The following SSBP2 variants were observed in gnomAD, a reference collection of about 807,000 sequenced individuals.
SSBP2 encodes single stranded DNA binding protein 2.
A neutral mutation model predicts 61.8 loss-of-function variants in SSBP2; 17 were observed. That is an observed-to-expected ratio of 0.28 (90% confidence interval 0.19 to 0.41). SSBP2 has a LOEUF of 0.41. Among genes scored for constraint, SSBP2 ranks in the 10% least tolerant of loss-of-function variants. The probability of loss-of-function intolerance (pLI) is 1.00; values close to 1 mark genes in which losing one functional copy is unlikely to be tolerated. For synonymous variants in SSBP2, 139 were observed against 141.3 expected, an observed-to-expected ratio of 0.98 and a Z score of 0.12; for missense variants, 310 against 458.7, an observed-to-expected ratio of 0.68 and a Z score of 2.96.
intron 6 of SSBP2, among the ~76,000 whole-genome samples, chr5:81,482,350 G>C (rs1421827193): frequency 6.6e-6 from 1 of 152,138 alleles, no homozygotes; most frequent in Non-Finnish European, 1.5e-5. Flanking sequence ...GAATCAGCCT[G>C]CCCTTTAAAG....
intron 1 of SSBP2, among the ~76,000 whole-genome samples, chr5:81,738,602 C>T (rs1309141235): frequency 2.6e-5 from 4 of 152,114 alleles, no homozygotes; most frequent in African/African-American, 9.7e-5. Flanking sequence ...CCTCCTGTAT[C>T]CCAAAGTCTG....
chr5:81,724,766 T>C (rs1400596880), intron 1 of SSBP2, among the ~76,000 whole-genome samples: 2 of 152,100 alleles, frequency 1.3e-5, no homozygotes, highest in Admixed American at 6.6e-5. Context: ...CCACAATGTG[T>C]TGATTTACAT....
chr5:81,603,177 G>A (rs1443593404), intron 4 of SSBP2, among the ~76,000 whole-genome samples: 1 of 152,210 alleles, frequency 6.6e-6, no homozygotes, highest in Non-Finnish European at 1.5e-5. Context: ...AATAATGACT[G>A]TCTGCAGACT....
intron 3 of SSBP2, among the ~76,000 whole-genome samples, chr5:81,633,479 T>C (rs994360071): frequency 3.3e-5 from 5 of 152,144 alleles, no homozygotes; most frequent in Non-Finnish European, 7.4e-5. Context: ...ATTGCAAGGT[T>C]TCTGTACAAG....
At chr5:81,715,795 A>ACCTGCAATCCCAACTCTTAGG (rs1245946775) in intron 1 of SSBP2, among the ~76,000 whole-genome samples, 1 of 152,148 alleles carries the variant, frequency 6.6e-6, no homozygotes, top group Non-Finnish European at 1.5e-5. Flanking sequence ...TGTGGCTCAC[A>ACCTGCAATCCCAACTCTTAGG]CCTGCAATCC....
At chr5:81,630,287 G>C (rs1747576867) in intron 3 of SSBP2, among the ~76,000 whole-genome samples, 1 of 152,182 alleles carries the variant, frequency 6.6e-6, no homozygotes, top group Admixed American at 6.5e-5. Context: ...AGTCCAGGTT[G>C]AAAGAGTTAA....
chr5:81,423,540 T>C (rs1761745652), intron 16 of SSBP2, among the ~76,000 whole-genome samples: 1 of 151,854 alleles, frequency 6.6e-6, no homozygotes, highest in Non-Finnish European at 1.5e-5. Context: ...GTCAGGAGTT[T>C]GAGACCAGCC....
At chr5:81,688,769 C>A (rs1056786798) in intron 1 of SSBP2, among the ~76,000 whole-genome samples, 8 of 152,016 alleles carry the variant, frequency 5.3e-5, no homozygotes, top group Non-Finnish European at 1.0e-4. Context: ...GCACAACAAG[C>A]CCAAATTGCA....
chr5:81,438,824 G>A (rs988327472), intron 14 of SSBP2, among the ~76,000 whole-genome samples: 1 of 152,156 alleles, frequency 6.6e-6, no homozygotes, highest in Admixed American at 6.5e-5. Flanking sequence ...TTCAAGAATG[G>A]TGCTGTCCAA....
chr5:81,611,846 T>G (rs1274971898), intron 4 of SSBP2, among the ~76,000 whole-genome samples: 1 of 152,060 alleles, frequency 6.6e-6, no homozygotes, highest in Non-Finnish European at 1.5e-5. Flanking sequence ...CATTTATTTC[T>G]TCATGGATTT....
At chr5:81,728,159 G>A (rs541588336) in intron 1 of SSBP2, among the ~76,000 whole-genome samples, 2 of 152,276 alleles carry the variant, frequency 1.3e-5, no homozygotes, top group African/African-American at 2.4e-5. Context: ...TTATTCTAAA[G>A]GTAATGGGGA....
chr5:81,558,765 T>G (rs1287230469), intron 4 of SSBP2, among the ~76,000 whole-genome samples: 1 of 152,332 alleles, frequency 6.6e-6, no homozygotes. Context: ...CTTTCCTATC[T>G]CTTTGACATA....
intron 4 of SSBP2, among the ~76,000 whole-genome samples, chr5:81,513,970 T>C (rs574556285): frequency 3.9e-5 from 6 of 152,312 alleles, no homozygotes; most frequent in South Asian, 4.1e-4. Context: ...TTTGATGATA[T>C]AGTAAATGCA....
chr5:81,457,994 G>A (rs1051551735), intron 10 of SSBP2, among the ~76,000 whole-genome samples: 1 of 152,000 alleles, frequency 6.6e-6, no homozygotes, highest in Non-Finnish European at 1.5e-5. Flanking sequence ...TAGTATCCCT[G>A]ACAAATATAT....
At chr5:81,484,142 CTGAGAG>C (rs1766209430) in intron 6 of SSBP2, among the ~76,000 whole-genome samples, 1 of 152,244 alleles carries the variant, frequency 6.6e-6, no homozygotes, top group African/African-American at 2.4e-5. Context: ...TTCAATATTT[CTGAGAG>C]TGATTTTGGA....
chr5:81,562,071 AT>A (rs879339518), intron 4 of SSBP2, among the ~76,000 whole-genome samples: 479 of 143,380 alleles, frequency 3.3e-3, no homozygotes, highest in Admixed American at 3.7e-3. Context: ...CACTTGGCTA[AT>A]TTTTTTTTTT....
chr5:81,734,761 G>C, intron 1 of SSBP2, among the ~76,000 whole-genome samples: 1 of 152,108 alleles, frequency 6.6e-6, no homozygotes, highest in East Asian at 1.9e-4. Context: ...CATGAGGTCA[G>C]GAGATCAAGA....
chr5:81,692,011 GCAAT>G (rs1304035887), intron 1 of SSBP2, among the ~76,000 whole-genome samples: 2 of 152,130 alleles, frequency 1.3e-5, no homozygotes, highest in Non-Finnish European at 2.9e-5. Flanking sequence ...TCCAGCTAGA[GCAAT>G]CAGACAAGAG....
chr5:81,633,230 C>T (rs1410602417), intron 3 of SSBP2, among the ~76,000 whole-genome samples: 1 of 150,062 alleles, frequency 6.7e-6, no homozygotes, highest in African/African-American at 2.5e-5. Context: ...ATTCATCTGC[C>T]TCAACCTCCT....
Sources: allele counts gnomAD v4.1 joint callset (sites outside exome capture counted in the v4.1 genomes callset), GRCh38; gene constraint gnomAD v4.1.1; transcripts MANE v1.5; gene names NCBI Gene and HGNC (gene_info 2026-07-23, HGNC 2026-07-21).